Variants in UNC5D observed in about 807,000 individuals in gnomAD.
UNC5D encodes the protein netrin receptor UNC5D.
UNC5D carries 39 observed loss-of-function variants against 105.4 expected under a neutral mutation model. The ratio of observed to expected loss-of-function variants is 0.37; its 90% CI spans 0.29 to 0.48. The LOEUF is 0.48. Among genes scored for constraint, UNC5D ranks in the 20% least tolerant of loss-of-function variants. The probability of loss-of-function intolerance (pLI) is 0.98; values close to 1 mark genes in which losing one functional copy is unlikely to be tolerated. For missense variants in UNC5D, 991 were observed against 1,202.4 expected (o/e 0.82, Z 2.60); for synonymous variants, 452 against 450.4 (o/e 1.00, Z -0.04).
intron 4 of UNC5D, among the ~76,000 whole-genome samples, chr8:35,618,914 C>A (rs1014784647): frequency 1.3e-5 from 2 of 152,174 alleles, no homozygotes; most frequent in African/African-American, 2.4e-5. Flanking sequence ...CCCCTCCACA[C>A]CCCCATTGGT....
intron 7 of UNC5D, among the ~76,000 whole-genome samples, chr8:35,688,501 A>G (rs1401075161): frequency 1.3e-5 from 2 of 152,138 alleles, no homozygotes; most frequent in Admixed American, 6.5e-5. Flanking sequence ...TAGTGCCTTT[A>G]TTTGCTAGTA....
At chr8:35,680,939 A>C (rs77667254) in intron 4 of UNC5D, among the ~76,000 whole-genome samples, 3,040 of 152,326 alleles carry the variant, frequency 0.02, 45 homozygotes, top group Non-Finnish European at 0.032. Flanking sequence ...ATCAGAAAGC[A>C]GGCAATTTAC....
intron 1 of UNC5D, among the ~76,000 whole-genome samples, chr8:35,423,296 G>A (rs1806033340): frequency 6.6e-6 from 1 of 152,122 alleles, no homozygotes; most frequent in African/African-American, 2.4e-5. Context: ...TCACAGATAA[G>A]CTCAGGGGCC....
At chr8:35,254,346 C>A (rs866568393) in intron 1 of UNC5D, 2 of 152,250 alleles carry the variant, frequency 1.3e-5, no homozygotes, top group Middle Eastern at 3.4e-3. Flanking sequence ...AGATGCAATG[C>A]CCAGTTTCAC....
At chr8:35,387,964 C>T (rs529187977) in intron 1 of UNC5D, among the ~76,000 whole-genome samples, 1 of 152,124 alleles carries the variant, frequency 6.6e-6, no homozygotes, top group South Asian at 2.1e-4. Flanking sequence ...AAAAATAATA[C>T]CAGGTTTCCC....
chr8:35,301,283 A>C (rs1807937939), intron 1 of UNC5D, among the ~76,000 whole-genome samples: 1 of 152,216 alleles, frequency 6.6e-6, no homozygotes, highest in Admixed American at 6.5e-5. Context: ...GCACAGCTTG[A>C]GCAAATAAGT....
intron 16 of UNC5D, among the ~76,000 whole-genome samples, chr8:35,788,934 T>G (rs1802880936): frequency 6.6e-6 from 1 of 151,650 alleles, no homozygotes. Flanking sequence ...TTCCTCTTTC[T>G]TGCCCCTTGT....
chr8:35,700,414 A>G (rs1463808300), intron 7 of UNC5D, among the ~76,000 whole-genome samples: 1 of 152,168 alleles, frequency 6.6e-6, no homozygotes, highest in African/African-American at 2.4e-5. Context: ...GTGATTTTTA[A>G]AGTATAAAAT....
intron 1 of UNC5D, among the ~76,000 whole-genome samples, chr8:35,328,342 A>C (rs1319756834): frequency 1.3e-5 from 2 of 152,186 alleles, no homozygotes; most frequent in Non-Finnish European, 2.9e-5. Context: ...AGCCAGTGAC[A>C]GTTTCTTTCC....
At chr8:35,591,412 A>AATAAC (rs1348318930) in intron 3 of UNC5D, among the ~76,000 whole-genome samples, 1 of 152,114 alleles carries the variant, frequency 6.6e-6, no homozygotes, top group East Asian at 1.9e-4. Flanking sequence ...AATATTGTTA[A>AATAAC]AATTAACAGT....
chr8:35,379,121 A>G (rs4739304), intron 1 of UNC5D, among the ~76,000 whole-genome samples: 66,307 of 152,022 alleles, frequency 0.44, 14,745 homozygotes, highest in East Asian at 0.7. Context: ...AGGACTGCTA[A>G]CATTAGAGTG....
chr8:35,662,197 A>AC (rs1198041386), intron 4 of UNC5D, among the ~76,000 whole-genome samples: 1 of 151,926 alleles, frequency 6.6e-6, no homozygotes, highest in Non-Finnish European at 1.5e-5. Context: ...AAAAAAAAAA[A>AC]AAAAAAACTG....
intron 14 of UNC5D, among the ~76,000 whole-genome samples, chr8:35,763,900 C>T (rs1046317936): frequency 6.6e-6 from 1 of 152,200 alleles, no homozygotes; most frequent in East Asian, 1.9e-4. Context: ...AAGCAAAGGA[C>T]TCATGTAATA....
At chr8:35,349,303 T>A (rs1812039715) in intron 1 of UNC5D, among the ~76,000 whole-genome samples, 1 of 152,036 alleles carries the variant, frequency 6.6e-6, no homozygotes, top group Non-Finnish European at 1.5e-5. Context: ...CTCTGTTCTA[T>A]TAGCCTGCAT....
At chr8:35,611,010 C>CAAAAAAAA (rs11314770) in intron 4 of UNC5D, among the ~76,000 whole-genome samples, 66 of 60,046 alleles carry the variant, frequency 1.1e-3, no homozygotes, top group African/African-American at 1.7e-3. Context: ...GACAAAGAAG[C>CAAAAAAAA]AAAAAAAAAA....
At chr8:35,309,429 T>C (rs915900048) in intron 1 of UNC5D, among the ~76,000 whole-genome samples, 3 of 152,166 alleles carry the variant, frequency 2.0e-5, no homozygotes, top group African/African-American at 7.2e-5. Flanking sequence ...GTCTCTCTCA[T>C]GGCTCATGCA....
chr8:35,575,170 A>G (rs1472681305), intron 3 of UNC5D, among the ~76,000 whole-genome samples: 2 of 151,994 alleles, frequency 1.3e-5, no homozygotes, highest in African/African-American at 2.4e-5. Context: ...TTTTGAAGGT[A>G]TTTGTGGATT....
At chr8:35,506,529 A>C (rs1047178070) in intron 1 of UNC5D, among the ~76,000 whole-genome samples, 3 of 152,250 alleles carry the variant, frequency 2.0e-5, no homozygotes, top group Non-Finnish European at 4.4e-5. Context: ...ATAATCATTC[A>C]GTGTCAGAGA....
intron 1 of UNC5D, among the ~76,000 whole-genome samples, chr8:35,491,505 A>C (rs1811214639): frequency 6.6e-6 from 1 of 152,098 alleles, no homozygotes; most frequent in Non-Finnish European, 1.5e-5. Context: ...AATTTTTCAA[A>C]CTGAAATTGT....
Sources: allele counts gnomAD v4.1 joint callset (sites outside exome capture counted in the v4.1 genomes callset), GRCh38; gene constraint gnomAD v4.1.1; transcripts MANE v1.5; gene names NCBI Gene and HGNC (gene_info 2026-07-23, HGNC 2026-07-21).